FBXO15: variants seen among roughly 807,000 people sequenced by gnomAD.
The protein encoded by FBXO15 is F-box only protein 15.
Under a neutral mutation model 49.5 loss-of-function variants are expected in FBXO15, and 30 were observed. The ratio of observed to expected loss-of-function variants is 0.61; its 90% CI spans 0.45 to 0.82. The LOEUF (loss-of-function observed/expected upper bound fraction) is 0.82, where lower values mean the gene tolerates loss of function less well. Among genes scored for constraint, FBXO15 ranks in the 40% least tolerant of loss-of-function variants. The pLI, the probability that FBXO15 is intolerant of heterozygous loss-of-function variation, is 0.00. For synonymous variants in FBXO15, 250 were observed against 232.7 expected (o/e 1.07, Z -0.68); for missense variants, 591 against 631.5 (o/e 0.94, Z 0.69).
At chr18:74,127,621 A>G (rs1029616122) in intron 5 of FBXO15, among the ~76,000 whole-genome samples, 5 of 152,264 alleles carry the variant, frequency 3.3e-5, no homozygotes, top group African/African-American at 1.2e-4. Flanking sequence ...CAAACTTGCA[A>G]TAAAAGTGCC....
intron 8 of FBXO15, among the ~76,000 whole-genome samples, chr18:74,092,305 T>C (rs1438863415): frequency 6.6e-6 from 1 of 152,184 alleles, no homozygotes; most frequent in African/African-American, 2.4e-5. Context: ...ATTTCTTGGA[T>C]TGGGTTTTGA....
chr18:74,120,856 G>GA (rs80189746), intron 8 of FBXO15, among the ~76,000 whole-genome samples: 10,336 of 150,930 alleles, frequency 0.068, 550 homozygotes, highest in African/African-American at 0.15. Context: ...AAATAATACA[G>GA]AAAAAAAGGC....
chr18:74,084,006 C>T (rs935200449), intron 8 of FBXO15, among the ~76,000 whole-genome samples: 1 of 152,200 alleles, frequency 6.6e-6, no homozygotes, highest in Non-Finnish European at 1.5e-5. Context: ...CAGTAACTCG[C>T]CCAAGGTCAG....
At chr18:74,140,710 A>T (rs1169345074) in intron 1 of FBXO15, 1 of 195,416 alleles carries the variant, frequency 5.1e-6, no homozygotes, top group Admixed American at 5.9e-5. Flanking sequence ...AGGAAACCTC[A>T]AGACCGTACT....
At chr18:74,097,576 A>G in intron 8 of FBXO15, 1 of 152,406 alleles carries the variant, frequency 6.6e-6, no homozygotes, top group Non-Finnish European at 1.5e-5. Context: ...TGGGAACCAC[A>G]CCTCCATCCC....
chr18:74,130,365 C>T (rs1301198682), intron 4 of FBXO15, 51 bp downstream of exon 4: 12 of 1,606,522 alleles, frequency 7.5e-6, no homozygotes, highest in Non-Finnish European at 9.4e-6. Flanking sequence ...GTCCTACGTA[C>T]ACGATACTTT....
In FBXO15 at chr18:74,147,802, C is replaced by T. The variant is rs780634841; in HGVS notation, c.-17G>A. ...AGTCGCCATAGAGACAAGGAGTTCACCACAGGACCGCGCCAGGGCTGAAAC... is the reference window on the plus strand; with the variant it reads ...AGTCGCCATAGAGACAAGGAGTTCATCACAGGACCGCGCCAGGGCTGAAAC... On this transcript the variant is annotated 5_prime_UTR_variant, in exon 1 of 10. It adds an upstream start codon to the 5' untranslated region. Coordinates refer to ENST00000419743, the MANE Select transcript of FBXO15 (RefSeq NM_001142958.2). 64 of 1,512,346 alleles carry T rather than the reference C, an allele frequency of 4.2e-5. No individual in the cohort carries two copies. In the Middle Eastern group the frequency reaches 1.2e-3, roughly 28 times the overall value. 93.7% of individuals were successfully genotyped at this position (1,512,346 alleles called of 1,614,324 possible).
chr18:74,091,009 T>C (rs1484530337), intron 8 of FBXO15, among the ~76,000 whole-genome samples: 1 of 152,216 alleles, frequency 6.6e-6, no homozygotes. Flanking sequence ...TCTCCCACTA[T>C]TATTGTTTGG....
intron 8 of FBXO15, among the ~76,000 whole-genome samples, chr18:74,110,496 GA>G (rs1031603440): frequency 1.3e-5 from 2 of 151,306 alleles, no homozygotes; most frequent in African/African-American, 4.9e-5. Flanking sequence ...ACATAAACAG[GA>G]ATAAAGAACA....
intron 8 of FBXO15, among the ~76,000 whole-genome samples, chr18:74,107,698 C>T (rs1411457704): frequency 6.6e-6 from 1 of 152,154 alleles, no homozygotes; most frequent in Admixed American, 6.6e-5. Flanking sequence ...GGTGTGGGCA[C>T]ACTTATGTGA....
intron 3 of FBXO15, chr18:74,130,889 A>T: frequency 2.4e-6 from 1 of 413,756 alleles, no homozygotes; most frequent in Non-Finnish European, 4.3e-6. Flanking sequence ...CCCATTTCCC[A>T]GGGTCAGGTC....
chr18:74,120,982 A>G (rs943554334), intron 8 of FBXO15, among the ~76,000 whole-genome samples: 2 of 152,190 alleles, frequency 1.3e-5, no homozygotes, highest in Admixed American at 6.5e-5. Flanking sequence ...ATCAGGAATC[A>G]CATCATGTCA....
intron 8 of FBXO15, among the ~76,000 whole-genome samples, chr18:74,113,638 C>T (rs1914120021): frequency 6.6e-6 from 1 of 152,156 alleles, no homozygotes. Flanking sequence ...ATAGAAGCAG[C>T]ATACTTTGTT....
intron 8 of FBXO15, among the ~76,000 whole-genome samples, chr18:74,106,335 CAATA>C (rs912126801): frequency 6.6e-6 from 1 of 151,868 alleles, no homozygotes; most frequent in Non-Finnish European, 1.5e-5. Flanking sequence ...AGATTCAAAA[CAATA>C]TATACAAAAT....
At chr18:74,137,890 T>C (rs1202265302) in intron 2 of FBXO15, among the ~76,000 whole-genome samples, 2 of 152,210 alleles carry the variant, frequency 1.3e-5, no homozygotes, top group Non-Finnish European at 2.9e-5. Context: ...GAACACGTCC[T>C]TGTCCCTGCT....
chr18:74,123,168 G>A (rs771589936), intron 8 of FBXO15, 200 bp downstream of exon 8: 1 of 494,364 alleles, frequency 2.0e-6, no homozygotes, highest in Non-Finnish European at 3.5e-6. Flanking sequence ...TGGTGGTGAA[G>A]GAGACAGAGC....
intron 8 of FBXO15, among the ~76,000 whole-genome samples, chr18:74,112,989 T>C (rs927150657): frequency 1.3e-5 from 2 of 152,220 alleles, no homozygotes; most frequent in African/African-American, 4.8e-5. Context: ...CTTGTGTCCA[T>C]GAAAACCTGC....
chr18:74,144,617 CT>C (rs1979290641), intron 1 of FBXO15, among the ~76,000 whole-genome samples: 1 of 152,028 alleles, frequency 6.6e-6, no homozygotes, highest in Non-Finnish European at 1.5e-5. Context: ...CCCAATTGAT[CT>C]TAAAAATTAA....
rs533334331 is a variant in FBXO15, at chr18:74,094,497, A to C, written c.1139-12446T>G. On this transcript the variant is annotated intron_variant, in intron 8 of 9. Coordinates refer to ENST00000419743, the MANE Select transcript of FBXO15 (RefSeq NM_001142958.2). ...CTACAGAACCTCGAGCCAATAAAAT[A>C]TCTTTTCTTTATAAATTACCTAATC... 3.2e-4 allele frequency among the ~76,000 whole-genome samples: 48 copies of C among 152,298 alleles called. 1 individual carries two copies. Among genetic ancestry groups the C allele is most frequent in the African/African-American group, 1.0e-3 (42 of 41,544 alleles).
Sources: gnomAD v4.1 joint callset for allele counts (sites outside exome capture counted in the v4.1 genomes callset) on GRCh38, gnomAD v4.1.1 for gene constraint, MANE v1.5 for transcripts, NCBI Gene and HGNC (gene_info 2026-07-23, HGNC 2026-07-21) for gene names.